DAPK1: variants seen among roughly 807,000 people sequenced by gnomAD.
DAPK1 encodes death-associated protein kinase 1.
DAPK1 carries 56 observed loss-of-function variants against 144.9 expected under a neutral mutation model. That is an observed-to-expected ratio of 0.39 (90% CI 0.31 to 0.48). DAPK1 has a LOEUF of 0.48. Ranked by LOEUF, DAPK1 falls within the 20% of genes least tolerant of loss-of-function variation. DAPK1 has a pLI of 0.95. For missense variants in DAPK1, 1,454 were observed against 1,875.4 expected, an observed-to-expected ratio of 0.78 and a Z score of 4.15; for synonymous variants, 690 against 749.0, an observed-to-expected ratio of 0.92 and a Z score of 1.29.
chr9:87,645,237 A>G (rs1025214289), intron 11 of DAPK1, among the ~76,000 whole-genome samples: 3 of 152,102 alleles, frequency 2.0e-5, no homozygotes, highest in Admixed American at 6.5e-5. Context: ...GTTTTTGTTC[A>G]CTACTCTTCC....
rs766744302 is a variant in DAPK1, at chr9:87,697,048, G to A, written c.2455G>A (p.Val819Met). 6 of 1,595,810 alleles carry A rather than the reference G, an allele frequency of 3.8e-6. No individual in the cohort carries two copies. Among genetic ancestry groups the A allele is most frequent in the Admixed American group, 1.7e-5 (1 of 59,976 alleles). ...FSVWEFSGNP[V>M]YFCCYDYFAA... ...CGTGTGGGAGTTCTCTGGAAATCCT[G>A]TGTATTTCTGCTGTTATGACTATTT... Residue 819 changes from valine to methionine, a missense_variant, in exon 22 of 26, where the codon GTG becomes ATG. Around this residue, in one of 2 missense-constraint regions of DAPK1, gnomAD observed 1,025 missense variants for 1,237.9 expected, o/e 0.83. Coordinates refer to ENST00000408954, the MANE Select transcript of DAPK1 (RefSeq NM_004938.4).
At chr9:87,576,013 C>T (rs999814751) in intron 2 of DAPK1, among the ~76,000 whole-genome samples, 5 of 152,206 alleles carry the variant, frequency 3.3e-5, no homozygotes, top group Non-Finnish European at 5.9e-5. Flanking sequence ...AAGAAAATGC[C>T]TTCCGTGGTT....
At chr9:87,608,630 G>A (rs1405333485) in intron 3 of DAPK1, among the ~76,000 whole-genome samples, 2 of 152,174 alleles carry the variant, frequency 1.3e-5, no homozygotes, top group African/African-American at 4.8e-5. Flanking sequence ...CCACCAGTGG[G>A]GCTCTGTACT....
intron 21 of DAPK1, among the ~76,000 whole-genome samples, chr9:87,690,932 T>C (rs1825033251): frequency 6.6e-6 from 1 of 152,046 alleles, no homozygotes; most frequent in Non-Finnish European, 1.5e-5. Context: ...ATTGTGAGGA[T>C]TTTTGCATCT....
chr9:87,576,625 T>C (rs2118795716), intron 2 of DAPK1, among the ~76,000 whole-genome samples: 1 of 152,302 alleles, frequency 6.6e-6, no homozygotes, highest in South Asian at 2.1e-4. Context: ...TGGCGCTATC[T>C]CGGCTCACTG....
chr9:87,596,886 T>G (rs1231716169), intron 2 of DAPK1, among the ~76,000 whole-genome samples: 1 of 152,148 alleles, frequency 6.6e-6, no homozygotes, highest in Non-Finnish European at 1.5e-5. Flanking sequence ...GGACCCAGCT[T>G]AGGGGGTTTT....
intron 16 of DAPK1, chr9:87,650,507 G>C (rs187759285): frequency 4.3e-6 from 1 of 230,414 alleles, no homozygotes; most frequent in East Asian, 1.4e-4. Flanking sequence ...CATCCGCTGT[G>C]TTGTAAAAAG....
intron 4 of DAPK1, 102 bp from the exon 5 acceptor site, chr9:87,639,252 T>G: frequency 8.7e-7 from 1 of 1,146,846 alleles, no homozygotes; most frequent in Non-Finnish European, 1.2e-6. Flanking sequence ...TCTTCCCTAC[T>G]TTTTGGCCTT....
Position 87,700,169 on chromosome 9 carries a change from G to T in DAPK1, c.2803G>T (p.Ala935Ser), listed in dbSNP as rs1185487950. 2.5e-6 allele frequency: 4 copies of T among 1,607,500 alleles called. No homozygotes were observed. The highest frequency in any genetic ancestry group is 3.4e-6 in the Non-Finnish European group (4 of 1,174,102). Reference protein sequence around the residue: ...SNKLFVLDAGASGSKDMKVLR... With the variant: ...SNKLFVLDAGSSGSKDMKVLR... ...TAAGCTGTTTGTTCTGGATGCTGGG[G>T]CTTCTGGGTCAAAGGACATGAAGGT... The change falls in exon 24 of 26, where the codon GCT becomes TCT. Residue 935 changes from alanine to serine, a missense_variant. Around this residue, in one of 2 missense-constraint regions of DAPK1, gnomAD observed 1,025 missense variants for 1,237.9 expected, o/e 0.83. Coordinates refer to ENST00000408954, the MANE Select transcript of DAPK1 (RefSeq NM_004938.4).
At chr9:87,513,429 T>C (rs1824926696) in intron 2 of DAPK1, among the ~76,000 whole-genome samples, 1 of 152,222 alleles carries the variant, frequency 6.6e-6, no homozygotes. Context: ...CAGATTCTTG[T>C]GGACGACGTA....
At chr9:87,579,479 C>T (rs1300062614) in intron 2 of DAPK1, among the ~76,000 whole-genome samples, 4 of 152,080 alleles carry the variant, frequency 2.6e-5, no homozygotes, top group Non-Finnish European at 5.9e-5. Context: ...AGCTCTGTGC[C>T]GGAAAAGTGG....
At chr9:87,622,926 T>C (rs971242112) in intron 3 of DAPK1, among the ~76,000 whole-genome samples, 1 of 151,852 alleles carries the variant, frequency 6.6e-6, no homozygotes, top group Non-Finnish European at 1.5e-5. Flanking sequence ...AAAAAATAAA[T>C]AATAAGGACT....
chr9:87,662,854 C>T (rs1830913551), intron 18 of DAPK1, among the ~76,000 whole-genome samples: 1 of 151,878 alleles, frequency 6.6e-6, no homozygotes, highest in African/African-American at 2.4e-5. Flanking sequence ...TTCCAGTATT[C>T]TTAAATTATT....
At chr9:87,571,163 A>G (rs559860490) in intron 2 of DAPK1, among the ~76,000 whole-genome samples, 56 of 152,184 alleles carry the variant, frequency 3.7e-4, no homozygotes, top group African/African-American at 1.3e-3. Flanking sequence ...ACACACACTA[A>G]GGGAACAGTG....
intron 2 of DAPK1, among the ~76,000 whole-genome samples, chr9:87,558,664 A>C (rs1307577580): frequency 1.3e-5 from 2 of 152,146 alleles, no homozygotes; most frequent in Non-Finnish European, 2.9e-5. Context: ...AAGGGCTGTG[A>C]TGGAGGGAGT....
chr9:87,564,812 T>C (rs778604703), intron 2 of DAPK1, among the ~76,000 whole-genome samples: 39 of 152,166 alleles, frequency 2.6e-4, no homozygotes, highest in Non-Finnish European at 5.0e-4. Flanking sequence ...CACTGTTGCA[T>C]TGGGGATTAA....
Position 87,595,955 on chromosome 9 carries a change from CT to C in DAPK1, c.63-8991del, listed in dbSNP as rs377213905. Among the ~76,000 whole-genome samples the C allele has an allele frequency of 2.2e-3, 340 of 151,740 alleles. 1 individual carries two copies. Among genetic ancestry groups the C allele is most frequent in the African/African-American group, 8.0e-3 (329 of 41,340 alleles). Reference sequence around the variant, plus strand: ...TTAAAATAGTTTTTGGAGGGTTGTACTTTTTTTTCATGATAATAATAATTTT... The same window carrying C: ...TTAAAATAGTTTTTGGAGGGTTGTACTTTTTTTCATGATAATAATAATTTT... On this transcript the variant is annotated intron_variant, in intron 2 of 25. Coordinates refer to ENST00000408954, the MANE Select transcript of DAPK1 (RefSeq NM_004938.4).
In DAPK1 at chr9:87,650,104, A is replaced by G; in HGVS notation, c.1612A>G (p.Asn538Asp). 6.2e-7 allele frequency: 1 copy of G among 1,614,052 alleles called. No homozygotes were observed. The highest frequency in any genetic ancestry group is 8.5e-7 in the Non-Finnish European group (1 of 1,180,020). The change falls in exon 16 of 26, where the codon AAT becomes GAT. Residue 538 changes from asparagine to aspartate, a missense_variant. Physicochemically the swap from Asn to Asp is conservative, Grantham distance 23. Coordinates refer to ENST00000408954, the MANE Select transcript of DAPK1 (RefSeq NM_004938.4). ...ECLAEHGADL[N>D]ACDKDGHIAL... ...TCTGGCCGAACATGGAGCCGACCTT[A>G]ATGCTTGCGACAAGGTGCCTTATGG... is the stretch of plus-strand genomic sequence containing the variant.
intron 3 of DAPK1, among the ~76,000 whole-genome samples, chr9:87,619,826 G>C (rs529698808): frequency 1.3e-5 from 2 of 152,126 alleles, no homozygotes; most frequent in African/African-American, 4.8e-5. Context: ...GCTGATTGTC[G>C]TTGTCATCTG....
Sources: gnomAD v4.1 joint callset for allele counts (sites outside exome capture counted in the v4.1 genomes callset) on GRCh38, gnomAD v4.1.1 for gene constraint, gnomAD v4.1.1 regional missense constraint, MANE v1.5 for transcripts, NCBI Gene and HGNC (gene_info 2026-07-23, HGNC 2026-07-21) for gene names.